Variants in KMT2E observed in about 807,000 individuals in gnomAD.
KMT2E encodes lysine methyltransferase 2E (inactive).
A neutral mutation model predicts 184.6 loss-of-function variants in KMT2E; 30 were observed. The ratio of observed to expected loss-of-function variants is 0.16; its 90% CI spans 0.12 to 0.22. The LOEUF is 0.22. KMT2E is among the 10% of genes least tolerant of loss of function. The probability of loss-of-function intolerance (pLI) is 1.00; values close to 1 mark genes in which losing one functional copy is unlikely to be tolerated. For missense variants in KMT2E, 2,023 were observed against 2,237.4 expected, an observed-to-expected ratio of 0.90 and a Z score of 1.93; for synonymous variants, 815 against 776.5, an observed-to-expected ratio of 1.05 and a Z score of -0.82.
intron 6 of KMT2E, among the ~76,000 whole-genome samples, chr7:105,067,557 T>G (rs1797084763): frequency 1.3e-5 from 2 of 152,244 alleles, no homozygotes; most frequent in South Asian, 4.1e-4. Flanking sequence ...CTTCTCCCTT[T>G]ACATGTTGTT....
chr7:105,020,009 G>A (rs1011492507), intron 1 of KMT2E, among the ~76,000 whole-genome samples: 11 of 151,760 alleles, frequency 7.2e-5, no homozygotes, highest in Admixed American at 2.0e-4. Flanking sequence ...TCAGGAGGGC[G>A]AGGCAGGAGA....
At chr7:105,076,841 T>C in intron 9 of KMT2E, 122 bp from the exon 10 acceptor site, 2 of 716,330 alleles carry the variant, frequency 2.8e-6, no homozygotes, top group Non-Finnish European at 4.8e-6. Flanking sequence ...CTAGTTTATA[T>C]TATGTTCTTT....
Position 105,113,525 on chromosome 7 carries a change from G to GTATC in KMT2E, c.*194_*197dup. On this transcript the variant is annotated 3_prime_UTR_variant, in exon 27 of 27. Transcript: ENST00000311117. The stretch of plus-strand genomic sequence containing the variant: ...AAATGTGCTGTTAAGCCAGTATTAG[G>GTATC]TATCTTTATTTTGTAAGTGAACATT... 1.8e-6 allele frequency: 1 copy of GTATC among 544,830 alleles called. No individual in the cohort carries two copies. Among genetic ancestry groups the GTATC allele is most frequent in the Non-Finnish European group, 3.0e-6 (1 of 329,472 alleles). 33.7% of individuals were successfully genotyped at this position (544,830 alleles called of 1,614,324 possible).
chr7:105,054,481 TATC>T (rs1392408660), intron 3 of KMT2E, among the ~76,000 whole-genome samples: 24 of 150,798 alleles, frequency 1.6e-4, no homozygotes, highest in African/African-American at 5.6e-4. Context: ...TCTATCTATC[TATC>T]TATCTATCTA....
chr7:105,101,296 A>G, intron 15 of KMT2E, 129 bp from the exon 16 acceptor site: 1 of 571,268 alleles, frequency 1.8e-6, no homozygotes, highest in Non-Finnish European at 2.8e-6. Flanking sequence ...CCCCATATCC[A>G]CCAATAATAG....
rs751284325 is a variant in KMT2E at position 105,110,388 on chromosome 7, C to T, written c.3844+20C>T. On this transcript the variant is annotated intron_variant, in intron 24 of 26. Coordinates refer to ENST00000311117, the MANE Select transcript of KMT2E (RefSeq NM_182931.3). ...ATAGTGGTAAGTGAGCTTGTTCCTT[C>T]ACCAGAAAGTGGAATCAGTTAATCA... The T allele has an allele frequency of 5.6e-6, 9 of 1,613,692 alleles. No individual in the cohort carries two copies. The highest frequency in any genetic ancestry group is 1.3e-5 in the African/African-American group (1 of 75,054).
chr7:105,101,575 G>A lies in KMT2E; in HGVS notation c.1873G>A (p.Ala625Thr). Residue 625 changes from alanine to threonine, a missense_variant, in exon 16 of 27, where the codon GCT becomes ACT. Physicochemically the swap from Ala to Thr is moderately conservative, Grantham distance 58. This residue lies in a region of KMT2E where 514 missense variants were observed against 621.8 expected (regional missense o/e 0.83). Transcript: ENST00000311117. ...TAAAGATACACAGATTGTCAGTGAT[G>A]CTGAAGTTATTCAGGTATTATTTAT... ...ECKDTQIVSD[A>T]EVIQEQAKEE... The A allele has an allele frequency of 6.5e-7, 1 of 1,544,052 alleles. No homozygotes were observed. The highest frequency in any genetic ancestry group is 1.3e-5 in the South Asian group (1 of 77,012).
intron 3 of KMT2E, among the ~76,000 whole-genome samples, chr7:105,045,284 T>C (rs952432041): frequency 7.2e-5 from 11 of 152,240 alleles, no homozygotes; most frequent in Admixed American, 6.5e-4. Context: ...AGTGAAAATA[T>C]ATATTTTTAA....
chr7:105,113,116 C>T lies in KMT2E; in HGVS notation c.5360C>T (p.Pro1787Leu). Residue 1787 changes from proline to leucine, a missense_variant, in exon 27 of 27, where the codon CCA becomes CTA. Around this residue, in one of 8 missense-constraint regions of KMT2E, gnomAD observed 1,108 missense variants for 1,050.9 expected, o/e 1.05. Coordinates refer to ENST00000311117, the MANE Select transcript of KMT2E (RefSeq NM_182931.3). Reference protein sequence around the residue: ...HQPSGTGPHCPLPVTGPHLQP... With the variant: ...HQPSGTGPHCLLPVTGPHLQP... The stretch of plus-strand genomic sequence containing the variant: ...CCTTCTGGAACAGGGCCACATTGTC[C>T]ATTACCTGTCACAGGTCCTCATCTC... 6.2e-7 allele frequency: 1 copy of T among 1,614,210 alleles called. No homozygotes were observed. The highest frequency in any genetic ancestry group is 8.5e-7 in the Non-Finnish European group (1 of 1,180,040).
At position 105,112,877 on chromosome 7, in the gene KMT2E, C is replaced by G; in HGVS notation, c.5121C>G (p.His1707Gln). The G allele has an allele frequency of 6.6e-7, 1 of 1,524,358 alleles. No individual in the cohort carries two copies. Among genetic ancestry groups the G allele is most frequent in the Non-Finnish European group, 8.9e-7 (1 of 1,125,524 alleles). 94.4% of individuals were successfully genotyped at this position (1,524,358 alleles called of 1,614,324 possible). Residue 1707 changes from histidine to glutamine, a missense_variant, in exon 27 of 27, where the codon CAC (histidine) becomes CAG (glutamine). By Grantham distance (24) the His-to-Gln change is conservative. Transcript: ENST00000311117. ...GACTCCAAGGTCTACAAGCACAACA[C>G]CAGCATGTTGTAAATTCAGCACCCC... Reference protein sequence around the residue: ...STGLQGLQAQHQHVVNSAPPP... With the variant: ...STGLQGLQAQQQHVVNSAPPP...
In KMT2E at chr7:105,113,384, T is replaced by C. The variant is rs755194546; in HGVS notation, c.*51T>C. 3.2e-6 allele frequency: 5 copies of C among 1,538,510 alleles called. No homozygotes were observed. The highest frequency in any genetic ancestry group is 2.4e-5 in the South Asian group (2 of 81,674). On this transcript the variant is annotated 3_prime_UTR_variant, in exon 27 of 27. Coordinates refer to ENST00000311117, the MANE Select transcript of KMT2E (RefSeq NM_182931.3). ...AATGTTCTGTAAGATAAACTGTATA[T>C]TTCATATGTACCTGTTAAGGTACTT... is the stretch of plus-strand genomic sequence containing the variant.
At chr7:105,059,743 T>G (rs1395819873) in intron 3 of KMT2E, among the ~76,000 whole-genome samples, 1 of 152,034 alleles carries the variant, frequency 6.6e-6, no homozygotes, top group Non-Finnish European at 1.5e-5. Flanking sequence ...GCAAAAATTG[T>G]GTAGATATAA....
At chr7:105,062,815 C>T (rs1408876598) in intron 4 of KMT2E, among the ~76,000 whole-genome samples, 2 of 151,846 alleles carry the variant, frequency 1.3e-5, no homozygotes, top group African/African-American at 2.4e-5. Context: ...CATTTAGATT[C>T]AAACGTAATT....
chr7:105,062,003 T>C (rs1390115881), intron 3 of KMT2E, 161 bp from the exon 4 acceptor site: 6 of 470,966 alleles, frequency 1.3e-5, no homozygotes, highest in African/African-American at 1.2e-4. Flanking sequence ...ACACATAATC[T>C]AGATGGGATA....
intron 3 of KMT2E, among the ~76,000 whole-genome samples, chr7:105,052,527 A>G (rs866844567): frequency 1.1e-4 from 16 of 152,072 alleles, no homozygotes; most frequent in Middle Eastern, 6.8e-3. Context: ...CATGAATCAT[A>G]TTGCTTGAAG....
Position 105,055,569 on chromosome 7 carries a change from A to G in KMT2E, c.72-6595A>G, listed in dbSNP as rs2240452. 2.0e-3 allele frequency among the ~76,000 whole-genome samples: 307 copies of G among 152,344 alleles called. 5 individuals carry two copies. The East Asian group carries it at 0.054, about 27-fold the overall frequency. On this transcript the variant is annotated intron_variant, in intron 3 of 26. Transcript: ENST00000311117. ...ATTAAAATGTAGATTTCTAAGCTCA[A>G]TCTTTAAACATTCTGGTTCATTACA...
chr7:105,097,933 C>T (rs935121902), intron 15 of KMT2E, among the ~76,000 whole-genome samples: 1 of 151,990 alleles, frequency 6.6e-6, no homozygotes. Context: ...GAAAAGCTTT[C>T]GTAGAGAATG....
At chr7:105,081,605 A>G in intron 12 of KMT2E, 83 bp from the exon 13 acceptor site, 5 of 742,860 alleles carry the variant, frequency 6.7e-6, no homozygotes, top group South Asian at 6.2e-5. Flanking sequence ...ATAATTTGAA[A>G]AGAATAATTT....
rs146249501 is a variant in KMT2E at position 105,082,693 on chromosome 7, A to G, written c.1358+896A>G. Among the ~76,000 whole-genome samples the G allele has an allele frequency of 3.7e-3, 556 of 152,280 alleles. 1 individual carries two copies. Among genetic ancestry groups the G allele is most frequent in the African/African-American group, 0.013 (527 of 41,558 alleles). ...AAGCACATATGGTGTAACTTTATGA[A>G]AACATATTAGTAATTTCTGCCTGGC... is the stretch of plus-strand genomic sequence containing the variant. On this transcript the variant is annotated intron_variant, in intron 13 of 26. Coordinates refer to ENST00000311117, the MANE Select transcript of KMT2E (RefSeq NM_182931.3).
Sources: allele counts gnomAD v4.1 joint callset (sites outside exome capture counted in the v4.1 genomes callset), GRCh38; gene constraint gnomAD v4.1.1; regional missense constraint gnomAD v4.1.1; transcripts MANE v1.5; gene names NCBI Gene and HGNC (gene_info 2026-07-23, HGNC 2026-07-21).